Variants in SETD2 observed in about 807,000 individuals in gnomAD.
SETD2 encodes the protein SET domain containing 2, histone lysine methyltransferase, also known as histone-lysine N-methyltransferase SETD2.
In SETD2, 31 loss-of-function variants were observed where a neutral mutation model predicts 242.1. The observed-to-expected ratio is 0.13, with a 90% CI of 0.10 to 0.17. SETD2 has a LOEUF of 0.17. SETD2 is among the 10% of genes least tolerant of loss of function. The pLI is 1.00. For missense variants in SETD2, 2,481 were observed against 3,046.3 expected (o/e 0.81, Z 4.37); for synonymous variants, 1,006 against 1,066.5 (o/e 0.94, Z 1.11).
At chr3:47,044,467 A>G (rs2039431495) in intron 16 of SETD2, among the ~76,000 whole-genome samples, 1 of 150,464 alleles carries the variant, frequency 6.6e-6, no homozygotes, top group East Asian at 2.0e-4. Flanking sequence ...GTTATTTCAC[A>G]TATAGTATTT....
At chr3:47,061,727 GGTTT>G (rs1187915678) in intron 14 of SETD2, among the ~76,000 whole-genome samples, 4 of 152,068 alleles carry the variant, frequency 2.6e-5, no homozygotes, top group African/African-American at 9.7e-5. Flanking sequence ...ACGATTACAT[GGTTT>G]GTTTTTCTAC....
intron 15 of SETD2, among the ~76,000 whole-genome samples, chr3:47,049,774 ATAT>A (rs1351395228): frequency 2.1e-5 from 3 of 141,454 alleles, no homozygotes; most frequent in Non-Finnish European, 3.0e-5. Context: ...CTATGAGTTT[ATAT>A]TATTATATAT....
chr3:47,073,912 T>G (rs1439804715), intron 12 of SETD2, among the ~76,000 whole-genome samples: 1 of 152,220 alleles, frequency 6.6e-6, no homozygotes, highest in Non-Finnish European at 1.5e-5. Context: ...ATATAATAAC[T>G]ATGAAGAGCA....
intron 5 of SETD2, among the ~76,000 whole-genome samples, chr3:47,109,211 A>G (rs928027603): frequency 1.3e-5 from 2 of 152,230 alleles, no homozygotes; most frequent in Non-Finnish European, 2.9e-5. Context: ...AAAGACTGAT[A>G]GATAAAAAAG....
chr3:47,022,204 C>CACACACAT lies in SETD2; in HGVS notation c.7351-2365_7351-2364insATGTGTGT, dbSNP rs1388970785. Among the ~76,000 whole-genome samples, 220 of 142,264 alleles carry CACACACAT rather than the reference C, an allele frequency of 1.5e-3. 2 individuals carry two copies. The highest frequency in any genetic ancestry group is 5.2e-3 in the African/African-American group (207 of 39,756). 93.3% of individuals were successfully genotyped at this position (142,264 alleles called of 152,430 possible). ...AGAGCAACAATCTGTCACACACACA[C>CACACACAT]ACACACACACACACACACACACACA... On this transcript the variant is annotated intron_variant, in intron 18 of 20. Transcript: ENST00000409792.
intron 18 of SETD2, among the ~76,000 whole-genome samples, chr3:47,029,676 A>G (rs1307807254): frequency 6.6e-6 from 1 of 152,182 alleles, no homozygotes; most frequent in Non-Finnish European, 1.5e-5. Flanking sequence ...TTTTGAAAAA[A>G]GCTACAATAA....
chr3:47,137,941 A>C (rs192840440), intron 1 of SETD2, among the ~76,000 whole-genome samples: 1 of 151,538 alleles, frequency 6.6e-6, no homozygotes, highest in Non-Finnish European at 1.5e-5. Flanking sequence ...CACCCGCCTC[A>C]GTGTCCCAAA....
chr3:47,085,518 T>C (rs899724344), intron 11 of SETD2, among the ~76,000 whole-genome samples: 1 of 152,162 alleles, frequency 6.6e-6, no homozygotes, highest in Admixed American at 6.5e-5. Context: ...TCAATGTAGT[T>C]CCACAGAAAC....
In SETD2 at chr3:47,103,500, A is replaced by T. The variant is rs2042293110; in HGVS notation, c.4840-77T>A. The stretch of plus-strand genomic sequence containing the variant: ...TGCAATTACCTGCAAAACTACATAC[A>T]TCTCTTATGCATCAATTAAAAAAAA... On this transcript the variant is annotated intron_variant, in intron 6 of 20. Transcript: ENST00000409792. The T allele has an allele frequency of 5.9e-6, 6 of 1,014,002 alleles. No individual in the cohort carries two copies. The South Asian group carries it at 7.7e-5, about 13-fold the overall frequency. The allele number at this position is 1,014,002 out of a possible 1,614,324, so 62.8% of individuals were successfully genotyped here.
Position 47,123,356 on chromosome 3 carries a change from T to C in SETD2, c.1280A>G (p.Tyr427Cys). 3 of 1,551,668 alleles carry C rather than the reference T, an allele frequency of 1.9e-6. No individual in the cohort carries two copies. The highest frequency in any genetic ancestry group is 2.6e-6 in the Non-Finnish European group (3 of 1,146,952). The change falls in exon 3 of 21, where the codon TAT becomes TGT. Residue 427 changes from tyrosine (Y) to cysteine (C), a missense_variant. By Grantham distance (194) the Tyr-to-Cys change is radical (BLOSUM62 -2). Coordinates refer to ENST00000409792, the MANE Select transcript of SETD2 (RefSeq NM_014159.7). ...ATGGTAGCGACGATCAGAGTCATAA[T>C]AATGAGATCGTTCTGACCTGGAATA... ...LSYSRSERSH[Y>C]YDSDRRYHRS...
At chr3:47,163,152 A>G (rs1018551096) in intron 1 of SETD2, among the ~76,000 whole-genome samples, 1 of 152,230 alleles carries the variant, frequency 6.6e-6, no homozygotes, top group Non-Finnish European at 1.5e-5. Context: ...TCAAGCGGAA[A>G]AACAAACCCG....
At position 47,121,331 on chromosome 3, in the gene SETD2, T is replaced by C; in HGVS notation, c.3305A>G (p.Glu1102Gly). The C allele has an allele frequency of 6.2e-7, 1 of 1,611,152 alleles. No homozygotes were observed. Among genetic ancestry groups the C allele is most frequent in the East Asian group, 2.2e-5 (1 of 44,884 alleles). ...TCTCCTTGACTCCAATCTCTCATCT[T>C]CCCAATGGTCAGAATAGTGTCTATA... ...QSYRHYSDHWEDERLESRRHL... is the reference protein window; with the variant it reads ...QSYRHYSDHWGDERLESRRHL... The change falls in exon 3 of 21, where the codon GAA becomes GGA. Residue 1102 changes from glutamate (E) to glycine (G), a missense_variant. Glu to Gly is a moderately conservative substitution (Grantham distance 98). Transcript: ENST00000409792.
chr3:47,083,363 C>T (rs2041397349), intron 12 of SETD2, among the ~76,000 whole-genome samples: 2 of 152,146 alleles, frequency 1.3e-5, no homozygotes, highest in East Asian at 1.9e-4. Flanking sequence ...TCCATTAATA[C>T]AACTGATTTC....
At chr3:47,130,047 A>G (rs532242867) in intron 1 of SETD2, among the ~76,000 whole-genome samples, 1 of 152,322 alleles carries the variant, frequency 6.6e-6, no homozygotes, top group African/African-American at 2.4e-5. Context: ...AAAGTTGGAC[A>G]TTACCAATTT....
In SETD2 at chr3:47,164,081, C is replaced by G; in HGVS notation, c.-157G>C. 1 of 1,182,582 alleles carries G rather than the reference C, an allele frequency of 8.5e-7. No homozygotes were observed. Among genetic ancestry groups the G allele is most frequent in the South Asian group, 4.2e-5 (1 of 24,074 alleles). 73.3% of individuals were successfully genotyped at this position (1,182,582 alleles called of 1,614,324 possible). Reference sequence around the variant, plus strand: ...GCGTCGCTACCTCGCTCGTCGCTCCCTCCCTCCCTCGGACGCCCGCCAGCC... The same window carrying G: ...GCGTCGCTACCTCGCTCGTCGCTCCGTCCCTCCCTCGGACGCCCGCCAGCC... On this transcript the variant is annotated 5_prime_UTR_variant, in exon 1 of 21. Coordinates refer to ENST00000409792, the MANE Select transcript of SETD2 (RefSeq NM_014159.7). The surrounding 1 kb of genome is among the most constrained non-coding windows in gnomAD (Gnocchi z 5.4).
At chr3:47,040,089 G>A (rs1479558383) in intron 17 of SETD2, among the ~76,000 whole-genome samples, 1 of 151,432 alleles carries the variant, frequency 6.6e-6, no homozygotes, top group Non-Finnish European at 1.5e-5. Context: ...TAATTCTCCC[G>A]CCTCTCGGCT....
At chr3:47,136,580 A>G (rs1223155867) in intron 1 of SETD2, among the ~76,000 whole-genome samples, 1 of 152,232 alleles carries the variant, frequency 6.6e-6, no homozygotes, top group Non-Finnish European at 1.5e-5. Flanking sequence ...AGTGGGAGCT[A>G]AACAATGGGT....
rs138401612 is a variant in SETD2 at position 47,122,902 on chromosome 3, T to C, written c.1734A>G (p.Leu578=). ...KFKNSFCCTE[L]NEEIKQSHSF... ...AATGAGACTGTTTGATTTCTTCATT[T>C]AATTCTGTACAACAGAAAGAATTTT... The change falls in exon 3 of 21, where the codon TTA becomes TTG. Residue 578 remains leucine, a synonymous_variant. Transcript: ENST00000409792. 1 of 1,610,730 alleles carries C rather than the reference T, an allele frequency of 6.2e-7. No homozygotes were observed.
At chr3:47,059,563 T>C (rs2040246708) in intron 14 of SETD2, among the ~76,000 whole-genome samples, 1 of 150,166 alleles carries the variant, frequency 6.7e-6, no homozygotes, top group Non-Finnish European at 1.5e-5. Flanking sequence ...GGGACTACAA[T>C]CATGTGCCAC....
Sources: allele counts gnomAD v4.1 joint callset (sites outside exome capture counted in the v4.1 genomes callset), GRCh38; gene constraint gnomAD v4.1.1; non-coding constraint Gnocchi (gnomAD v3.1); transcripts MANE v1.5; gene names NCBI Gene and HGNC (gene_info 2026-07-23, HGNC 2026-07-21).